Variants in PPARGC1A observed in about 807,000 individuals in gnomAD.
PPARGC1A encodes the protein peroxisome proliferator-activated receptor gamma coactivator 1-alpha.
In PPARGC1A, 25 loss-of-function variants were observed where a neutral mutation model predicts 88.7. The observed-to-expected ratio is 0.28, with a 90% CI of 0.21 to 0.39. The LOEUF is 0.39. PPARGC1A is among the 10% of genes least tolerant of loss of function. The pLI, the probability that PPARGC1A is intolerant of heterozygous loss-of-function variation, is 1.00. For synonymous variants in PPARGC1A, 363 were observed against 355.6 expected (o/e 1.02, Z -0.24); for missense variants, 880 against 968.7 (o/e 0.91, Z 1.22).
the PPARGC1A span, among the ~76,000 whole-genome samples, chr4:24,137,638 A>G: frequency 8.5e-5 from 13 of 152,294 alleles, no homozygotes; most frequent in African/African-American, 1.2e-4. Flanking sequence ...CTACTGGTCC[A>G]TACTGCCCCC....
intron 12 of PPARGC1A, among the ~76,000 whole-genome samples, chr4:23,797,926 C>G (rs1417582674): frequency 2.6e-5 from 4 of 152,060 alleles, no homozygotes; most frequent in Non-Finnish European, 5.9e-5. Flanking sequence ...CGGTTCCTGC[C>G]TTAACTGATG....
the PPARGC1A span, among the ~76,000 whole-genome samples, chr4:24,193,331 A>G: frequency 6.6e-6 from 1 of 152,200 alleles, no homozygotes; most frequent in Non-Finnish European, 1.5e-5. Flanking sequence ...ATGGAGTGGT[A>G]CCTTTGCTTT....
the PPARGC1A span, among the ~76,000 whole-genome samples, chr4:23,920,550 G>A: frequency 6.6e-6 from 1 of 152,126 alleles, no homozygotes; most frequent in Non-Finnish European, 1.5e-5. Context: ...GCCAGCAAAT[G>A]CCTTTTACCC....
the PPARGC1A span, among the ~76,000 whole-genome samples, chr4:24,316,793 T>C: frequency 6.6e-6 from 1 of 152,210 alleles, no homozygotes; most frequent in Non-Finnish European, 1.5e-5. Context: ...TTGTAAGAAC[T>C]ATGAAAATGG....
chr4:23,993,890 G>A, the PPARGC1A span, among the ~76,000 whole-genome samples: 1 of 152,110 alleles, frequency 6.6e-6, no homozygotes, highest in African/African-American at 2.4e-5. Context: ...GTACTCTTAA[G>A]AGTAATTTTC....
the PPARGC1A span, among the ~76,000 whole-genome samples, chr4:24,263,290 A>C: frequency 1.3e-5 from 2 of 152,236 alleles, no homozygotes; most frequent in African/African-American, 4.8e-5. Context: ...TCCAATGGTG[A>C]TAAAACAAAG....
At chr4:23,885,000 A>G (rs1716619617) in intron 1 of PPARGC1A, 69 bp from the exon 2 acceptor site, 3 of 1,330,336 alleles carry the variant, frequency 2.3e-6, no homozygotes, top group South Asian at 3.2e-5. Context: ...AAACTGCAAT[A>G]GCATGTGATA....
At chr4:24,057,502 G>A in the PPARGC1A span, among the ~76,000 whole-genome samples, 1 of 151,164 alleles carries the variant, frequency 6.6e-6, no homozygotes, top group Non-Finnish European at 1.5e-5. Flanking sequence ...TGAAGAAAAG[G>A]GAAGCAATGA....
the PPARGC1A span, among the ~76,000 whole-genome samples, chr4:23,919,800 C>CT: frequency 6.6e-6 from 1 of 152,136 alleles, no homozygotes; most frequent in African/African-American, 2.4e-5. Context: ...GATAAAGTAG[C>CT]TTAGCAGAAC....
At chr4:23,972,393 T>C in the PPARGC1A span, among the ~76,000 whole-genome samples, 1 of 152,154 alleles carries the variant, frequency 6.6e-6, no homozygotes, top group African/African-American at 2.4e-5. Flanking sequence ...ATGGCCAAAG[T>C]ATGACTTTCT....
At chr4:24,001,929 T>C in the PPARGC1A span, among the ~76,000 whole-genome samples, 4 of 152,060 alleles carry the variant, frequency 2.6e-5, no homozygotes, top group African/African-American at 4.8e-5. Context: ...GTAAGAGATA[T>C]AATCGGCCAA....
chr4:23,864,594 C>T (rs1405119939), intron 2 of PPARGC1A, among the ~76,000 whole-genome samples: 1 of 152,162 alleles, frequency 6.6e-6, no homozygotes, highest in Non-Finnish European at 1.5e-5. Context: ...CACTCAAGAA[C>T]AAGAGGAAAG....
chr4:24,022,052 T>C, the PPARGC1A span, among the ~76,000 whole-genome samples: 2 of 152,038 alleles, frequency 1.3e-5, no homozygotes, highest in South Asian at 4.2e-4. Context: ...GGGAAGACAG[T>C]GGTGTGAGAA....
chr4:23,991,970 A>G, the PPARGC1A span, among the ~76,000 whole-genome samples: 2 of 152,156 alleles, frequency 1.3e-5, no homozygotes, highest in Non-Finnish European at 2.9e-5. Context: ...AGTTCCTGCT[A>G]TCTCATTTTA....
chr4:24,402,874 T>C, the PPARGC1A span, among the ~76,000 whole-genome samples: 2 of 152,220 alleles, frequency 1.3e-5, no homozygotes, highest in Non-Finnish European at 2.9e-5. Context: ...ACGCCCTACT[T>C]GGGCAGGAAC....
the PPARGC1A span, among the ~76,000 whole-genome samples, chr4:24,210,437 C>T: frequency 1.3e-5 from 2 of 152,310 alleles, 1 homozygote; most frequent in East Asian, 3.9e-4. Flanking sequence ...TCTGCTTACC[C>T]TATTTCACCA....
At chr4:23,884,450 T>C (rs1462939089) in intron 2 of PPARGC1A, 2 of 384,766 alleles carry the variant, frequency 5.2e-6, no homozygotes, top group East Asian at 7.4e-5. Flanking sequence ...AGGTTTAGAC[T>C]TTTGTTCTTC....
At chr4:23,981,893 C>T in the PPARGC1A span, among the ~76,000 whole-genome samples, 3 of 151,992 alleles carry the variant, frequency 2.0e-5, no homozygotes, top group African/African-American at 7.2e-5. Context: ...AGAGAAAGCT[C>T]AGGAATTACA....
At chr4:24,000,433 A>C in the PPARGC1A span, among the ~76,000 whole-genome samples, 1 of 152,210 alleles carries the variant, frequency 6.6e-6, no homozygotes, top group Non-Finnish European at 1.5e-5. Flanking sequence ...CAAATTAAAC[A>C]CGTGCTTAAA....
Sources: gnomAD v4.1 joint callset for allele counts (sites outside exome capture counted in the v4.1 genomes callset) on GRCh38, gnomAD v4.1.1 for gene constraint, MANE v1.5 for transcripts, NCBI Gene and HGNC (gene_info 2026-07-23, HGNC 2026-07-21) for gene names.